The following CYTIP variants were observed in gnomAD, a reference collection of about 807,000 sequenced individuals.
CYTIP encodes cytohesin-interacting protein.
CYTIP carries 26 observed loss-of-function variants against 43.8 expected under a neutral mutation model. The ratio of observed to expected loss-of-function variants is 0.59; its 90% CI spans 0.44 to 0.82. The LOEUF is 0.82. Ranked by LOEUF, CYTIP falls within the 40% of genes least tolerant of loss-of-function variation. The probability of loss-of-function intolerance (pLI) is 0.00; values close to 1 mark genes in which losing one functional copy is unlikely to be tolerated. For missense variants in CYTIP, 426 were observed against 443.1 expected (o/e 0.96, Z 0.35); for synonymous variants, 162 against 162.9 (o/e 0.99, Z 0.04).
chr2:157,433,399 C>A (rs1685744702), intron 3 of CYTIP, among the ~76,000 whole-genome samples: 1 of 152,118 alleles, frequency 6.6e-6, no homozygotes, highest in Admixed American at 6.5e-5. Flanking sequence ...CATTTTGTTT[C>A]TTTACTCATA....
intron 6 of CYTIP, among the ~76,000 whole-genome samples, chr2:157,423,888 A>G (rs374152460): frequency 5.9e-5 from 9 of 152,194 alleles, no homozygotes; most frequent in African/African-American, 1.9e-4. Context: ...TCAAATGAAT[A>G]AATGAGAAGA....
chr2:157,427,307 A>G (rs1367661836), intron 6 of CYTIP, 44 bp downstream of exon 6: 5 of 1,503,576 alleles, frequency 3.3e-6, no homozygotes, highest in Non-Finnish European at 4.5e-6. Context: ...CCACTCACAC[A>G]TTCAAGGATG....
chr2:157,431,056 T>C (rs1685707928), intron 3 of CYTIP, 94 bp from the exon 4 acceptor site: 3 of 1,003,192 alleles, frequency 3.0e-6, no homozygotes, highest in Non-Finnish European at 1.5e-6. Flanking sequence ...TTAAGCAGTA[T>C]AATAGGTAAG....
intron 1 of CYTIP, chr2:157,438,735 A>G (rs1685855646): frequency 6.1e-6 from 1 of 164,318 alleles, no homozygotes; most frequent in African/African-American, 2.4e-5. Flanking sequence ...AACAAAAAAA[A>G]AAATTCAATC....
At chr2:157,440,491 T>C (rs535608284) in intron 1 of CYTIP, among the ~76,000 whole-genome samples, 2 of 152,292 alleles carry the variant, frequency 1.3e-5, no homozygotes, top group East Asian at 3.9e-4. Flanking sequence ...CTACCTAAAA[T>C]TGTCATGAGG....
At chr2:157,424,374 C>T (rs575116147) in intron 6 of CYTIP, among the ~76,000 whole-genome samples, 128 of 152,118 alleles carry the variant, frequency 8.4e-4, no homozygotes, top group African/African-American at 2.8e-3. Context: ...GTACAGAGGA[C>T]TAAGTCTAAC....
In CYTIP at chr2:157,415,039, T is replaced by C. The variant is rs1685418542; in HGVS notation, c.*638A>G. 1.3e-5 allele frequency: 2 copies of C among 152,192 alleles called. No homozygotes were observed. Among genetic ancestry groups the C allele is most frequent in the Non-Finnish European group, 1.5e-5 (1 of 68,030 alleles). The allele number at this position is 152,192 out of a possible 1,614,324, so 9.4% of individuals were successfully genotyped here. A position where few individuals can be genotyped will look rare whatever the true frequency, so the allele number is the denominator to read the frequency against. On this transcript the variant is annotated 3_prime_UTR_variant, in exon 8 of 8. Transcript: ENST00000264192. ...ATTTTGTTTAGACTGTCTATAAAAATGACTTTATTATGATCTTTGCAGCAC... is the reference window on the plus strand; with the variant it reads ...ATTTTGTTTAGACTGTCTATAAAAACGACTTTATTATGATCTTTGCAGCAC...
chr2:157,423,320 A>C (rs1161503978), intron 6 of CYTIP, among the ~76,000 whole-genome samples: 1 of 152,032 alleles, frequency 6.6e-6, no homozygotes, highest in Non-Finnish European at 1.5e-5. Flanking sequence ...AAGAAGCATA[A>C]AAAGTGGTAC....
chr2:157,420,607 T>G (rs1270707497), intron 6 of CYTIP, among the ~76,000 whole-genome samples: 3 of 129,434 alleles, frequency 2.3e-5, no homozygotes, highest in African/African-American at 9.0e-5. Flanking sequence ...GCTATGATCA[T>G]GCTACTGCAC....
intron 2 of CYTIP, 127 bp downstream of exon 2, chr2:157,434,571 T>C: frequency 1.2e-6 from 1 of 861,788 alleles, no homozygotes; most frequent in Non-Finnish European, 1.9e-6. Context: ...TGTGTGTCTG[T>C]GTGTGTGCGT....
intron 6 of CYTIP, among the ~76,000 whole-genome samples, chr2:157,419,567 C>G (rs1304908947): frequency 6.6e-6 from 1 of 152,192 alleles, no homozygotes; most frequent in African/African-American, 2.4e-5. Context: ...AAAGACATAG[C>G]CATAGGCTCA....
chr2:157,432,181 A>G (rs1419122006), intron 3 of CYTIP, among the ~76,000 whole-genome samples: 2 of 152,222 alleles, frequency 1.3e-5, no homozygotes, highest in African/African-American at 4.8e-5. Flanking sequence ...TCTCATTAGC[A>G]GTGAGACTCT....
At chr2:157,422,183 C>T (rs1478263073) in intron 6 of CYTIP, among the ~76,000 whole-genome samples, 1 of 152,178 alleles carries the variant, frequency 6.6e-6, no homozygotes, top group Non-Finnish European at 1.5e-5. Flanking sequence ...CCAGACCTGG[C>T]TCTGGATTGA....
At chr2:157,436,999 A>G (rs893164407) in intron 1 of CYTIP, among the ~76,000 whole-genome samples, 2 of 152,192 alleles carry the variant, frequency 1.3e-5, no homozygotes, top group African/African-American at 4.8e-5. Flanking sequence ...AGACAACTGT[A>G]TATCCATATG....
intron 6 of CYTIP, among the ~76,000 whole-genome samples, chr2:157,422,861 G>C (rs1685544269): frequency 6.6e-6 from 1 of 152,028 alleles, no homozygotes; most frequent in Non-Finnish European, 1.5e-5. Flanking sequence ...TAACTCAATA[G>C]AAATAACACA....
rs1454236310 is a variant in CYTIP, at chr2:157,437,755, A to G, written c.175-3008T>C. 2.0e-5 allele frequency among the ~76,000 whole-genome samples: 3 copies of G among 152,116 alleles called. No homozygotes were observed. The East Asian group carries it at 5.8e-4, about 29-fold the overall frequency. On this transcript the variant is annotated intron_variant, in intron 1 of 7. Coordinates refer to ENST00000264192, the MANE Select transcript of CYTIP (RefSeq NM_004288.5). ...AGAAAAAGAAGACATACAAATGGCT[A>G]ACAAATATATGAAAAAATGCTCAAT...
intron 7 of CYTIP, 43 bp downstream of exon 7, chr2:157,418,477 AAAG>A: frequency 6.5e-7 from 1 of 1,533,120 alleles, no homozygotes; most frequent in Non-Finnish European, 8.8e-7. Flanking sequence ...AGAAATACTG[AAAG>A]AAGTAATGTT....
chr2:157,414,966 C>T lies in CYTIP; in HGVS notation c.*711G>A, dbSNP rs909601737. ...GAGTTCTAGACTTGCCATTAATGTT[C>T]AGGCAGAACAAAAGCTGAATTGGGC... On this transcript the variant is annotated 3_prime_UTR_variant, in exon 8 of 8. Coordinates refer to ENST00000264192, the MANE Select transcript of CYTIP (RefSeq NM_004288.5). The T allele has an allele frequency of 2.6e-5, 4 of 152,154 alleles. No individual in the cohort carries two copies. The highest frequency in any genetic ancestry group is 7.2e-5 in the African/African-American group (3 of 41,440). The allele number at this position is 152,154 out of a possible 1,614,324, so 9.4% of individuals were successfully genotyped here.
chr2:157,433,435 T>C lies in CYTIP; in HGVS notation c.279+935A>G, dbSNP rs568746102. ...AAACATGTTTTTCTTAGCAGTTTCC[T>C]GTTCCTAATCTTAAAATAAACACTG... On this transcript the variant is annotated intron_variant, in intron 3 of 7. Transcript: ENST00000264192. 9.2e-5 allele frequency among the ~76,000 whole-genome samples: 14 copies of C among 152,354 alleles called. No homozygotes were observed. The South Asian group carries it at 1.7e-3, about 18-fold the overall frequency.
Sources: allele counts gnomAD v4.1 joint callset (sites outside exome capture counted in the v4.1 genomes callset), GRCh38; gene constraint gnomAD v4.1.1; transcripts MANE v1.5; gene names NCBI Gene and HGNC (gene_info 2026-07-23, HGNC 2026-07-21).